RDH12: variants seen among roughly 807,000 people sequenced by gnomAD.
The protein encoded by RDH12 is retinol dehydrogenase 12, also known as all-trans and 9-cis retinol dehydrogenase.
Under a neutral mutation model 34.0 loss-of-function variants are expected in RDH12, and 21 were observed. That is an observed-to-expected ratio of 0.62 (90% CI 0.44 to 0.89). The LOEUF (loss-of-function observed/expected upper bound fraction) is 0.89, where lower values mean the gene tolerates loss of function less well. RDH12 is among the 40% of genes least tolerant of loss of function. The pLI is 0.00. For missense variants in RDH12, 394 were observed against 398.6 expected, an observed-to-expected ratio of 0.99 and a Z score of 0.10; for synonymous variants, 198 against 169.9, an observed-to-expected ratio of 1.17 and a Z score of -1.29.
In RDH12 at chr14:67,727,021, G is replaced by A; in HGVS notation, c.489G>A (p.Lys163=). Residue 163 remains lysine, a synonymous_variant, in exon 7 of 9, where the codon AAG becomes AAA. Coordinates refer to ENST00000551171, the MANE Select transcript of RDH12 (RefSeq NM_152443.3). The part of the protein sequence containing the change: ...LLTYLLLERL[K]VSAPARVVNV... The stretch of plus-strand genomic sequence containing the variant: ...CCTACCTGCTCCTGGAGCGGCTAAA[G>A]GTGTCTGCCCCTGCACGGGTGGTTA... 6.2e-7 allele frequency: 1 copy of A among 1,613,476 alleles called. No individual in the cohort carries two copies. Among genetic ancestry groups the A allele is most frequent in the Non-Finnish European group, 8.5e-7 (1 of 1,180,032 alleles).
rs765865143 is a variant in RDH12 at position 67,733,727 on chromosome 14, G to A, written c.849-19G>A. The A allele has an allele frequency of 1.9e-5, 30 of 1,555,964 alleles. No homozygotes were observed. The highest frequency in any genetic ancestry group is 3.3e-5 in the Admixed American group (2 of 59,864). On this transcript the variant is annotated intron_variant, in intron 8 of 8. Transcript: ENST00000551171. The stretch of plus-strand genomic sequence containing the variant: ...CTAATTCTCATTCCTGGAATTTACT[G>A]TCTTTCTCTGCCCTCCAGTGACTGC...
intron 1 of RDH12, among the ~76,000 whole-genome samples, chr14:67,712,027 C>T (rs1309154394): frequency 1.3e-5 from 2 of 152,156 alleles, no homozygotes; most frequent in East Asian, 3.9e-4. Context: ...TCAAGTGATT[C>T]TCCTGCCTCA....
At chr14:67,710,302 A>G (rs1288080531) in intron 1 of RDH12, among the ~76,000 whole-genome samples, 1 of 152,240 alleles carries the variant, frequency 6.6e-6, no homozygotes, top group African/African-American at 2.4e-5. Context: ...CAAGAGAGAT[A>G]CACAGATGTA....
chr14:67,724,486 G>A lies in RDH12; in HGVS notation c.82G>A (p.Gly28Ser). ...CCTTGCCGATAGGAAGTTCTTTGCT[G>A]GTGGAGTGTGTAGAACAAATGTGCA... ...VAPSIRKFFA[G>S]GVCRTNVQLP... Residue 28 changes from glycine to serine, a missense_variant, in exon 4 of 9, where the codon GGT becomes AGT. Transcript: ENST00000551171. The A allele has an allele frequency of 6.2e-7, 1 of 1,612,040 alleles. No individual in the cohort carries two copies. Among genetic ancestry groups the A allele is most frequent in the South Asian group, 1.1e-5 (1 of 91,010 alleles).
At chr14:67,709,100 C>T (rs1335739325) in intron 1 of RDH12, among the ~76,000 whole-genome samples, 2 of 152,076 alleles carry the variant, frequency 1.3e-5, no homozygotes, top group African/African-American at 4.8e-5. Context: ...CCAACAATAT[C>T]TTAAAGGATT....
intron 1 of RDH12, among the ~76,000 whole-genome samples, chr14:67,709,519 T>C (rs982428979): frequency 1.3e-5 from 2 of 152,242 alleles, no homozygotes; most frequent in Non-Finnish European, 2.9e-5. Flanking sequence ...CTTGCATCAG[T>C]GTGCCTTTGA....
rs777059854 is a variant in RDH12 at position 67,724,548 on chromosome 14, C to A, written c.144C>A (p.Asn48Lys). The change falls in exon 4 of 9, where the codon AAC (asparagine) becomes AAA (lysine). Residue 48 changes from asparagine (N) to lysine (K), a missense_variant. Coordinates refer to ENST00000551171, the MANE Select transcript of RDH12 (RefSeq NM_152443.3). ...PGKVVVITGA[N>K]TGIGKETARE... The stretch of plus-strand genomic sequence containing the variant: ...AGGTAGTGGTGATCACTGGCGCCAA[C>A]ACGGGCATTGGCAAGGAGACGGCCA... 1.9e-6 allele frequency: 3 copies of A among 1,613,982 alleles called. No homozygotes were observed. The highest frequency in any genetic ancestry group is 1.7e-6 in the Non-Finnish European group (2 of 1,179,936).
chr14:67,726,525 G>A (rs953486128), intron 6 of RDH12, among the ~76,000 whole-genome samples: 2 of 152,202 alleles, frequency 1.3e-5, no homozygotes, highest in African/African-American at 2.4e-5. Context: ...GTTGGTCCAC[G>A]GAGGTAGGCA....
At chr14:67,732,510 A>G (rs1566851951) in intron 8 of RDH12, among the ~76,000 whole-genome samples, 1 of 144,116 alleles carries the variant, frequency 6.9e-6, no homozygotes, top group Non-Finnish European at 1.5e-5. Flanking sequence ...GAGAGAGACT[A>G]TATCTCTATT....
At chr14:67,703,149 A>G (rs1180157458) in intron 1 of RDH12, among the ~76,000 whole-genome samples, 1 of 152,136 alleles carries the variant, frequency 6.6e-6, no homozygotes, top group Non-Finnish European at 1.5e-5. Context: ...AATTTTAGTC[A>G]TGAGATAGTA....
rs375364895 is a variant in RDH12 at position 67,724,457 on chromosome 14, T to G, written c.69-16T>G. 3.5e-5 allele frequency: 56 copies of G among 1,578,358 alleles called. No individual in the cohort carries two copies. In the African/African-American group the frequency reaches 6.2e-4, roughly 17 times the overall value. On this transcript the variant is annotated splice_polypyrimidine_tract_variant and intron_variant, in intron 3 of 8. Transcript: ENST00000551171. ...TGAAGGATGGTACGTGATGCTCTTG[T>G]TTCCCTTGCCGATAGGAAGTTCTTT...
chr14:67,724,057 C>T (rs1300583220), intron 3 of RDH12, among the ~76,000 whole-genome samples: 1 of 152,256 alleles, frequency 6.6e-6, no homozygotes, highest in Non-Finnish European at 1.5e-5. Context: ...TCATCAGTTA[C>T]TCATGATGAT....
chr14:67,733,010 T>C (rs1181621671), intron 8 of RDH12, among the ~76,000 whole-genome samples: 1 of 152,042 alleles, frequency 6.6e-6, no homozygotes, highest in Non-Finnish European at 1.5e-5. Context: ...TTAGGAGATA[T>C]ACCTAATGCT....
At chr14:67,710,977 T>A (rs1238987923) in intron 1 of RDH12, among the ~76,000 whole-genome samples, 6 of 152,150 alleles carry the variant, frequency 3.9e-5, no homozygotes, top group Non-Finnish European at 1.5e-5. Flanking sequence ...ACTGAGACAG[T>A]GAAAAAGATT....
intron 1 of RDH12, among the ~76,000 whole-genome samples, chr14:67,711,018 C>T (rs1210894690): frequency 6.6e-6 from 1 of 152,124 alleles, no homozygotes; most frequent in East Asian, 1.9e-4. Flanking sequence ...TGCTTTTAAC[C>T]TTCAAACTGT....
chr14:67,727,214 G>T, intron 7 of RDH12, 24 bp downstream of exon 7: 1 of 1,591,766 alleles, frequency 6.3e-7, no homozygotes, highest in South Asian at 1.1e-5. Context: ...AAGAGGAATA[G>T]CAAAAATGGT....
At chr14:67,702,227 C>T (rs2037907405) in intron 1 of RDH12, among the ~76,000 whole-genome samples, 1 of 152,024 alleles carries the variant, frequency 6.6e-6, no homozygotes, top group Admixed American at 6.6e-5. Context: ...CCTTAGGGTC[C>T]CAAAGTGCTA....
intron 8 of RDH12, chr14:67,729,768 C>A (rs1007809673): frequency 2.0e-6 from 1 of 503,880 alleles, no homozygotes; most frequent in East Asian, 5.4e-5. Flanking sequence ...GGGGAACGTC[C>A]TCTCTCTTCG....
chr14:67,716,044 A>T (rs1303976586), intron 1 of RDH12, among the ~76,000 whole-genome samples: 1 of 152,046 alleles, frequency 6.6e-6, no homozygotes, highest in East Asian at 1.9e-4. Context: ...AAATACAAAA[A>T]AAATTAGCCG....
Sources: allele counts gnomAD v4.1 joint callset (sites outside exome capture counted in the v4.1 genomes callset), GRCh38; gene constraint gnomAD v4.1.1; transcripts MANE v1.5; gene names NCBI Gene and HGNC (gene_info 2026-07-23, HGNC 2026-07-21).